NPR3: variants seen among roughly 807,000 people sequenced by gnomAD.
NPR3 encodes natriuretic peptide receptor 3.
In NPR3, 34 loss-of-function variants were observed where a neutral mutation model predicts 54.5. That is an observed-to-expected ratio of 0.62 (90% CI 0.47 to 0.83). The LOEUF (loss-of-function observed/expected upper bound fraction) is 0.83. NPR3 is among the 40% of genes least tolerant of loss of function. The pLI, the probability that NPR3 is intolerant of heterozygous loss-of-function variation, is 0.00. For missense variants in NPR3, 674 were observed against 720.8 expected, an observed-to-expected ratio of 0.94 and a Z score of 0.74; for synonymous variants, 289 against 297.1, an observed-to-expected ratio of 0.97 and a Z score of 0.28.
At chr5:32,718,741 A>G (rs1236062170) in intron 1 of NPR3, among the ~76,000 whole-genome samples, 1 of 152,090 alleles carries the variant, frequency 6.6e-6, no homozygotes, top group Non-Finnish European at 1.5e-5. Flanking sequence ...GCTTAAGGAG[A>G]TTTTGGGCTG....
chr5:32,711,304 C>T, upstream of NPR3: 2 of 981,436 alleles, frequency 2.0e-6, no homozygotes, highest in Non-Finnish European at 2.4e-6. Flanking sequence ...TAAACGCGGG[C>T]TATGGATCCA....
At chr5:32,728,500 G>T (rs1282993582) in intron 2 of NPR3, among the ~76,000 whole-genome samples, 2 of 149,622 alleles carry the variant, frequency 1.3e-5, no homozygotes, top group Non-Finnish European at 3.0e-5. Context: ...TCTTGGGATA[G>T]TATTGCCAGA....
chr5:32,693,360 C>G (rs529352696), intron 1 of NPR3, among the ~76,000 whole-genome samples: 23 of 151,890 alleles, frequency 1.5e-4, no homozygotes, highest in African/African-American at 5.6e-4. Flanking sequence ...ACTTTGCATT[C>G]TTTGGATTTA....
At chr5:32,760,819 G>A (rs976451257) in intron 3 of NPR3, among the ~76,000 whole-genome samples, 3 of 151,786 alleles carry the variant, frequency 2.0e-5, no homozygotes, top group Admixed American at 2.0e-4. Context: ...TTTATATTTA[G>A]GTCTGTGATC....
At chr5:32,781,768 G>A (rs1303281271) in intron 5 of NPR3, among the ~76,000 whole-genome samples, 1 of 152,144 alleles carries the variant, frequency 6.6e-6, no homozygotes, top group African/African-American at 2.4e-5. Flanking sequence ...GGTGGGTAGC[G>A]ACAGTTCATC....
At chr5:32,783,864 A>G (rs1377906396) in intron 6 of NPR3, among the ~76,000 whole-genome samples, 2 of 152,108 alleles carry the variant, frequency 1.3e-5, no homozygotes, top group Non-Finnish European at 2.9e-5. Context: ...TGCCCACCTA[A>G]GCGTTTTGAG....
Position 32,784,790 on chromosome 5 carries a change from T to A in NPR3, c.1427-6T>A. ...GAACCCTGATTATCCATGCTTCTTT[T>A]TCAAGCAGGTGGCCTAGAAGAATCG... On this transcript the variant is annotated splice_polypyrimidine_tract_variant and splice_region_variant and intron_variant, in intron 6 of 7. Transcript: ENST00000265074. The A allele has an allele frequency of 6.2e-7, 1 of 1,611,952 alleles. No homozygotes were observed. Among genetic ancestry groups the A allele is most frequent in the African/African-American group, 1.3e-5 (1 of 74,994 alleles).
At chr5:32,782,210 A>C (rs1441650923) in intron 5 of NPR3, among the ~76,000 whole-genome samples, 1 of 152,192 alleles carries the variant, frequency 6.6e-6, no homozygotes, top group Non-Finnish European at 1.5e-5. Context: ...GCAACTCTTG[A>C]AGAAATAGTC....
chr5:32,717,263 T>C (rs960351600), intron 1 of NPR3, among the ~76,000 whole-genome samples: 4 of 152,202 alleles, frequency 2.6e-5, no homozygotes, highest in Middle Eastern at 3.2e-3. Flanking sequence ...TGATGGACAT[T>C]TGAGTTGGTT....
At chr5:32,710,927 T>C (rs552627045), upstream of NPR3, 70 of 770,502 alleles carry the variant, frequency 9.1e-5, no homozygotes, top group African/African-American at 3.3e-4. Flanking sequence ...TATGTGTGCG[T>C]GCGCGCGCGC....
chr5:32,703,460 C>T (rs771419046), intron 1 of NPR3, among the ~76,000 whole-genome samples: 2 of 151,976 alleles, frequency 1.3e-5, no homozygotes, highest in Admixed American at 1.3e-4. Context: ...ATGTGCTGGG[C>T]CACACCTAAA....
chr5:32,717,812 T>C (rs1207277727), intron 1 of NPR3, among the ~76,000 whole-genome samples: 2 of 152,172 alleles, frequency 1.3e-5, no homozygotes, highest in Non-Finnish European at 1.5e-5. Context: ...GGTTGCCTGT[T>C]CACTCTGATG....
intron 1 of NPR3, among the ~76,000 whole-genome samples, chr5:32,701,116 G>T (rs1283329999): frequency 6.6e-6 from 1 of 152,146 alleles, no homozygotes; most frequent in Non-Finnish European, 1.5e-5. Flanking sequence ...GTATCTCATT[G>T]TATTTTTGAT....
At chr5:32,752,707 G>T (rs1418135120) in intron 3 of NPR3, among the ~76,000 whole-genome samples, 1 of 152,114 alleles carries the variant, frequency 6.6e-6, no homozygotes, top group African/African-American at 2.4e-5. Context: ...AGTTCGCATG[G>T]CAACATGTTT....
chr5:32,753,515 TGAA>T (rs1418988521), intron 3 of NPR3, among the ~76,000 whole-genome samples: 2 of 151,962 alleles, frequency 1.3e-5, no homozygotes, highest in Non-Finnish European at 2.9e-5. Context: ...TCAGTGTAAC[TGAA>T]GGAGTCTGAG....
rs557065886 is a variant in NPR3 at position 32,699,556 on chromosome 5, T to G, written c.100+10370T>G. 2.0e-5 allele frequency among the ~76,000 whole-genome samples: 3 copies of G among 152,350 alleles called. No homozygotes were observed. In the South Asian group the frequency reaches 6.2e-4, roughly 32 times the overall value. ...TAACTCCCACTTATGATTGAGAACATGCAGTGTTTGGAAAAACTCTGCACT... is the reference window on the plus strand; with the variant it reads ...TAACTCCCACTTATGATTGAGAACAGGCAGTGTTTGGAAAAACTCTGCACT... On this transcript the variant is annotated intron_variant, in intron 1 of 5. Coordinates refer to the NPR3 transcript ENST00000509104.
chr5:32,734,697 T>C (rs192881269), intron 2 of NPR3, among the ~76,000 whole-genome samples: 14 of 152,380 alleles, frequency 9.2e-5, no homozygotes, highest in Admixed American at 6.5e-4. Context: ...GATGGCTATG[T>C]TCTAGTCTGT....
chr5:32,773,213 A>C (rs536122063), intron 3 of NPR3, among the ~76,000 whole-genome samples: 5 of 152,242 alleles, frequency 3.3e-5, no homozygotes, highest in Non-Finnish European at 7.4e-5. Context: ...CATCACTGAC[A>C]CTTTTTTCTG....
Position 32,711,547 on chromosome 5 carries a change from A to ACTTTTTCTTTTTCTTTTT in NPR3, c.-223_-206dup, listed in dbSNP as rs59057102. 9.3e-6 allele frequency: 9 copies of ACTTTTTCTTTTTCTTTTT among 965,986 alleles called. No individual in the cohort carries two copies. The Admixed American group carries it at 2.8e-4, about 30-fold the overall frequency. The allele number at this position is 965,986 out of a possible 1,614,324, so 59.8% of individuals were successfully genotyped here. ...AGACGCACAGGTTTACACCCGGTGA[A>ACTTTTTCTTTTTCTTTTT]CTTTTTCTTTTTCTTTTTCTTTTTT... On this transcript the variant is annotated 5_prime_UTR_variant, in exon 1 of 8. Transcript: ENST00000265074.
Sources: gnomAD v4.1 joint callset for allele counts (sites outside exome capture counted in the v4.1 genomes callset) on GRCh38, gnomAD v4.1.1 for gene constraint, MANE v1.5 for transcripts, NCBI Gene and HGNC (gene_info 2026-07-23, HGNC 2026-07-21) for gene names.